The following DCUN1D2 variants were observed in gnomAD, a reference collection of about 807,000 sequenced individuals.
The protein encoded by DCUN1D2 is DCN1-like protein 2.
DCUN1D2 carries 29 observed loss-of-function variants against 30.9 expected under a neutral mutation model. The observed-to-expected ratio is 0.94, with a 90% CI of 0.70 to 1.28. The LOEUF is 1.28. Ranked by LOEUF, DCUN1D2 falls within the 50% of genes most tolerant of loss-of-function variation. DCUN1D2 has a pLI of 0.00. For synonymous variants in DCUN1D2, 121 were observed against 115.3 expected (o/e 1.05, Z -0.32); for missense variants, 325 against 316.9 (o/e 1.03, Z -0.19).
In DCUN1D2 at chr13:113,471,345, A is replaced by AGACCCAACTCCACAGGG. The variant is rs1281712312; in HGVS notation, c.520+2762_520+2778dup. Among the ~76,000 whole-genome samples the AGACCCAACTCCACAGGG allele has an allele frequency of 7.4e-4, 104 of 140,062 alleles. 1 individual carries two copies. The East Asian group carries it at 0.026, about 35-fold the overall frequency. 91.9% of individuals were successfully genotyped at this position (140,062 alleles called of 152,430 possible). A position where few individuals can be genotyped will look rare whatever the true frequency, so the allele number is the denominator to read the frequency against. ...TCCACAGGGGACCCAACTCCATAGAAGACCCAACTCCACAGGGGACCCAAC... is the reference window on the plus strand; with the variant it reads ...TCCACAGGGGACCCAACTCCATAGAAGACCCAACTCCACAGGGGACCCAACTCCACAGGGGACCCAAC... On this transcript the variant is annotated intron_variant, in intron 4 of 6. Transcript: ENST00000478244.
At position 113,457,696 on chromosome 13, in the gene DCUN1D2, C is replaced by T. The variant is rs1035614525; in HGVS notation, c.*333G>A. 16 of 180,472 alleles carry T rather than the reference C, an allele frequency of 8.9e-5. No homozygotes were observed. Among genetic ancestry groups the T allele is most frequent in the Admixed American group, 4.3e-4 (7 of 16,190 alleles). The allele number at this position is 180,472 out of a possible 1,614,324, so 11.2% of individuals were successfully genotyped here. On this transcript the variant is annotated 3_prime_UTR_variant, in exon 7 of 7. Coordinates refer to ENST00000478244, the MANE Select transcript of DCUN1D2 (RefSeq NM_001014283.2). The stretch of plus-strand genomic sequence containing the variant: ...GCCGGACGCTGGTTCGCCTGACGCG[C>T]GAGCTACGCAGCATGCTCTGCGGTC...
At chr13:113,460,832 C>T (rs1185449670) in intron 5 of DCUN1D2, among the ~76,000 whole-genome samples, 1 of 152,238 alleles carries the variant, frequency 6.6e-6, no homozygotes, top group African/African-American at 2.4e-5. Context: ...CAAGAAGCCA[C>T]GTTCTGAGGA....
intron 4 of DCUN1D2, chr13:113,462,742 A>G: frequency 9.7e-7 from 1 of 1,035,022 alleles, no homozygotes; most frequent in Non-Finnish European, 1.2e-6. Context: ...GACCTTACCG[A>G]TGGGACCCGC....
At chr13:113,485,523 C>T (rs953683499) in intron 1 of DCUN1D2, among the ~76,000 whole-genome samples, 1 of 151,938 alleles carries the variant, frequency 6.6e-6, no homozygotes. Context: ...AGAAGTGGTA[C>T]AGATACAGAC....
Position 113,474,252 on chromosome 13 carries a change from C to T in DCUN1D2, c.392G>A (p.Cys131Tyr). 6.2e-7 allele frequency: 1 copy of T among 1,613,722 alleles called. No homozygotes were observed. Among genetic ancestry groups the T allele is most frequent in the Non-Finnish European group, 8.5e-7 (1 of 1,179,700 alleles). ...AGCCTTTAGCTTCTCCATGCTGTCA[C>T]ACCTGCGATGACAGAGAGTGGTTTG... ...EFLDGMTELG[C>Y]DSMEKLKALL... The change falls in exon 4 of 7, where the codon TGT becomes TAT. Residue 131 changes from cysteine to tyrosine, a missense_variant and splice_region_variant. Cys to Tyr is a radical substitution (Grantham distance 194, BLOSUM62 -2). Transcript: ENST00000478244.
intron 4 of DCUN1D2, among the ~76,000 whole-genome samples, chr13:113,470,517 G>C (rs1208681212): frequency 2.6e-5 from 4 of 152,146 alleles, no homozygotes; most frequent in Non-Finnish European, 4.4e-5. Flanking sequence ...TAACTCCACA[G>C]AAGACTCTAC....
chr13:113,468,043 TAAAAA>T (rs59075073), intron 4 of DCUN1D2, among the ~76,000 whole-genome samples: 1 of 97,208 alleles, frequency 1.0e-5, no homozygotes, highest in Non-Finnish European at 2.0e-5. Flanking sequence ...GGATCCATCT[TAAAAA>T]AAAAAAAAAA....
intron 4 of DCUN1D2, among the ~76,000 whole-genome samples, chr13:113,463,434 G>A (rs1200447132): frequency 6.6e-6 from 1 of 151,858 alleles, no homozygotes; most frequent in African/African-American, 2.4e-5. Context: ...GCTCACACCT[G>A]TAATCATAGC....
chr13:113,487,277 G>A (rs984935544), intron 1 of DCUN1D2, among the ~76,000 whole-genome samples: 3 of 152,168 alleles, frequency 2.0e-5, no homozygotes, highest in African/African-American at 7.2e-5. Context: ...ACCAGGAACA[G>A]CCATGACGCC....
chr13:113,457,926 A>G lies in DCUN1D2; in HGVS notation c.*103T>C. The G allele has an allele frequency of 8.9e-7, 1 of 1,127,580 alleles. No homozygotes were observed. Among genetic ancestry groups the G allele is most frequent in the South Asian group, 1.3e-5 (1 of 76,834 alleles). 69.8% of individuals were successfully genotyped at this position (1,127,580 alleles called of 1,614,324 possible). ...GGCGCCTCTGGTTTCATGGCTGGTCAAGAATGACTTCTGGAATCAGCGACA... is the reference window on the plus strand; with the variant it reads ...GGCGCCTCTGGTTTCATGGCTGGTCGAGAATGACTTCTGGAATCAGCGACA... On this transcript the variant is annotated 3_prime_UTR_variant, in exon 7 of 7. Coordinates refer to ENST00000478244, the MANE Select transcript of DCUN1D2 (RefSeq NM_001014283.2).
intron 5 of DCUN1D2, among the ~76,000 whole-genome samples, chr13:113,460,143 T>C (rs906885651): frequency 6.6e-6 from 1 of 152,152 alleles, no homozygotes; most frequent in Non-Finnish European, 1.5e-5. Context: ...ATGAAACACA[T>C]AGCTGCAAAG....
In DCUN1D2 at chr13:113,474,131, T is replaced by G; in HGVS notation, c.513A>C (p.Lys171Asn). The G allele has an allele frequency of 6.2e-7, 1 of 1,613,878 alleles. No individual in the cohort carries two copies. The highest frequency in any genetic ancestry group is 8.5e-7 in the Non-Finnish European group (1 of 1,179,800). ...TFTFAKNPGQKGLDLEMAVAY... is the reference protein window; with the variant it reads ...TFTFAKNPGQNGLDLEMAVAY... ...TTTGGATTTCATACTCACCTAAACC[T>G]TTCTGCCCTGGGTTCTTAGCGAAGG... The change falls in exon 4 of 7, where the codon AAA becomes AAC. Residue 171 changes from lysine (K) to asparagine (N), a missense_variant. Transcript: ENST00000478244.
intron 4 of DCUN1D2, among the ~76,000 whole-genome samples, chr13:113,471,922 A>G (rs2044522731): frequency 6.6e-6 from 1 of 152,182 alleles, no homozygotes; most frequent in Non-Finnish European, 1.5e-5. Flanking sequence ...CTGCTGGGGA[A>G]CACAGAGCAA....
intron 4 of DCUN1D2, among the ~76,000 whole-genome samples, chr13:113,472,330 C>T (rs1395780724): frequency 6.6e-6 from 1 of 152,178 alleles, no homozygotes; most frequent in African/African-American, 2.4e-5. Context: ...GAAACGACGA[C>T]TCTGAATGAG....
At chr13:113,489,159 T>G (rs2044864785) in intron 1 of DCUN1D2, 1 of 985,274 alleles carries the variant, frequency 1.0e-6, no homozygotes, top group Non-Finnish European at 1.2e-6. Context: ...TCACTCTGTT[T>G]CGGTATACAG....
In DCUN1D2 at chr13:113,488,599, T is replaced by C. The variant is rs1359982934; in HGVS notation, c.3+2068A>G. On this transcript the variant is annotated intron_variant, in intron 1 of 6. Coordinates refer to ENST00000478244, the MANE Select transcript of DCUN1D2 (RefSeq NM_001014283.2). The surrounding 1 kb of genome is among the most constrained non-coding windows in gnomAD (Gnocchi z 4.3). ...CCCTCTAGACAGGACTAAACCCAGA[T>C]CAAATTTACAAAGGCCCAGACATTG... 6.6e-6 allele frequency among the ~76,000 whole-genome samples: 1 copy of C among 152,234 alleles called. No individual in the cohort carries two copies.
chr13:113,476,006 T>C (rs1389304460), intron 3 of DCUN1D2: 1 of 152,290 alleles, frequency 6.6e-6, no homozygotes, highest in Non-Finnish European at 1.5e-5. Flanking sequence ...TCTGGCTGTT[T>C]CTGCCTTTGT....
At chr13:113,458,382 C>T (rs1281597249) in intron 6 of DCUN1D2, among the ~76,000 whole-genome samples, 2 of 152,192 alleles carry the variant, frequency 1.3e-5, no homozygotes, top group South Asian at 2.1e-4. Flanking sequence ...CAGGCAGTCA[C>T]ACCAGCTGCT....
Position 113,488,547 on chromosome 13 carries a change from A to C in DCUN1D2, c.3+2120T>G, listed in dbSNP as rs143973416. On this transcript the variant is annotated intron_variant, in intron 1 of 6. Transcript: ENST00000478244. The surrounding 1 kb of genome is among the most constrained non-coding windows in gnomAD (Gnocchi z 4.3). ...AACAAAAAGGCTCGTCAACTAAAAA[A>C]CTACAGGGGAGAGAAGGAAGCCGAG... Among the ~76,000 whole-genome samples, 482 of 152,346 alleles carry C rather than the reference A, an allele frequency of 3.2e-3. 2 individuals carry two copies. The highest frequency in any genetic ancestry group is 0.011 in the African/African-American group (471 of 41,578).
Sources: gnomAD v4.1 joint callset for allele counts (sites outside exome capture counted in the v4.1 genomes callset) on GRCh38, gnomAD v4.1.1 for gene constraint, Gnocchi (gnomAD v3.1) non-coding constraint, MANE v1.5 for transcripts, NCBI Gene and HGNC (gene_info 2026-07-23, HGNC 2026-07-21) for gene names.